CLIC5: variants seen among roughly 807,000 people sequenced by gnomAD.
CLIC5 encodes chloride intracellular channel protein 5.
CLIC5 carries 20 observed loss-of-function variants against 24.7 expected under a neutral mutation model. The observed-to-expected ratio is 0.81, with a 90% confidence interval of 0.57 to 1.18. CLIC5 has a LOEUF of 1.18. CLIC5 is among the 50% of genes most tolerant of loss of function. The pLI, the probability that CLIC5 is intolerant of heterozygous loss-of-function variation, is 0.00. For missense variants in CLIC5, 341 were observed against 326.1 expected (o/e 1.05, Z -0.35); for synonymous variants, 159 against 135.6 (o/e 1.17, Z -1.20).
chr6:45,890,673 C>T (rs898930142), intron 6 of CLIC5, among the ~76,000 whole-genome samples: 2 of 152,056 alleles, frequency 1.3e-5, no homozygotes, highest in South Asian at 2.1e-4. Flanking sequence ...TGACCCGAAT[C>T]GACAAACGAA....
chr6:45,958,437 T>TATATATATACACACACACACACAC (rs1284230686), intron 1 of CLIC5, among the ~76,000 whole-genome samples: 16 of 7,762 alleles, frequency 2.1e-3, no homozygotes, highest in Non-Finnish European at 5.4e-3. Flanking sequence ...TATATATATA[T>TATATATATACACACACACACACAC]ATATATATAT....
intron 1 of CLIC5, among the ~76,000 whole-genome samples, chr6:46,052,727 T>C (rs1226391927): frequency 1.3e-5 from 2 of 151,944 alleles, no homozygotes; most frequent in East Asian, 1.9e-4. Flanking sequence ...CTCTGTGCAG[T>C]GCACTGGGAG....
chr6:46,069,219 A>AG (rs1435953219), intron 1 of CLIC5, among the ~76,000 whole-genome samples: 1 of 152,078 alleles, frequency 6.6e-6, no homozygotes, highest in African/African-American at 2.4e-5. Flanking sequence ...ATCATGAAAA[A>AG]CTTTTATGCA....
chr6:45,973,135 T>C (rs956975638), intron 1 of CLIC5, among the ~76,000 whole-genome samples: 1 of 152,186 alleles, frequency 6.6e-6, no homozygotes, highest in Non-Finnish European at 1.5e-5. Context: ...CTAGAGTCAC[T>C]GAGCATGTTC....
chr6:45,929,147 T>C (rs1411531648), intron 4 of CLIC5, among the ~76,000 whole-genome samples: 4 of 149,598 alleles, frequency 2.7e-5, no homozygotes, highest in Non-Finnish European at 5.9e-5. Context: ...GCCTGCCCCA[T>C]TCAACAGGCC....
intron 4 of CLIC5, among the ~76,000 whole-genome samples, chr6:45,916,100 G>C (rs936923556): frequency 1.3e-5 from 2 of 152,120 alleles, no homozygotes; most frequent in African/African-American, 4.8e-5. Context: ...TTCATAGAAG[G>C]CCTTTTGTTT....
chr6:45,970,174 G>A (rs2127402942), intron 1 of CLIC5, among the ~76,000 whole-genome samples: 1 of 152,264 alleles, frequency 6.6e-6, no homozygotes, highest in East Asian at 1.9e-4. Context: ...CCAGCCAAGT[G>A]CCCCTGTCAT....
intron 1 of CLIC5, among the ~76,000 whole-genome samples, chr6:46,009,239 A>T (rs1472770632): frequency 1.3e-5 from 2 of 151,838 alleles, no homozygotes; most frequent in African/African-American, 4.8e-5. Context: ...TAACAACTCC[A>T]TTTCTTTTTA....
chr6:45,942,387 G>C (rs1161541065), intron 3 of CLIC5, among the ~76,000 whole-genome samples: 1 of 152,188 alleles, frequency 6.6e-6, no homozygotes, highest in African/African-American at 2.4e-5. Flanking sequence ...GATTGGCCTT[G>C]AGACTGAAGG....
intron 4 of CLIC5, chr6:45,914,641 T>C: frequency 1.3e-6 from 1 of 763,234 alleles, no homozygotes; most frequent in Non-Finnish European, 1.7e-6. Flanking sequence ...ATCTTTTGCT[T>C]TGAAAAAAAT....
chr6:45,930,602 C>A (rs550310177), intron 4 of CLIC5, among the ~76,000 whole-genome samples: 1 of 152,316 alleles, frequency 6.6e-6, no homozygotes, highest in Non-Finnish European at 1.5e-5. Context: ...GGCGACGATT[C>A]CTCTGCCTGC....
At chr6:45,911,349 C>G (rs921566529) in intron 5 of CLIC5, among the ~76,000 whole-genome samples, 1 of 152,176 alleles carries the variant, frequency 6.6e-6, no homozygotes, top group African/African-American at 2.4e-5. Context: ...GTGATGAAGT[C>G]CGAGTCCTTT....
At chr6:45,912,010 G>A (rs1762838528) in intron 5 of CLIC5, 4 of 985,586 alleles carry the variant, frequency 4.1e-6, no homozygotes, top group Non-Finnish European at 4.8e-6. Context: ...AGCCACGCAA[G>A]AGGAGAGTGA....
At chr6:45,973,039 T>C (rs563702134) in intron 1 of CLIC5, among the ~76,000 whole-genome samples, 10 of 152,296 alleles carry the variant, frequency 6.6e-5, no homozygotes, top group African/African-American at 2.2e-4. Context: ...GTGCTGAAAG[T>C]GGACACTGAA....
intron 6 of CLIC5, among the ~76,000 whole-genome samples, chr6:45,891,494 G>C (rs1385819345): frequency 6.6e-6 from 1 of 151,948 alleles, no homozygotes; most frequent in Non-Finnish European, 1.5e-5. Context: ...AAATTAGCCG[G>C]GCATGGTGGC....
chr6:46,074,926 C>A (rs1291021114), intron 1 of CLIC5, among the ~76,000 whole-genome samples: 1 of 152,190 alleles, frequency 6.6e-6, no homozygotes, highest in Non-Finnish European at 1.5e-5. Context: ...CTGACCACTG[C>A]TCTTTCCACA....
chr6:46,092,462 C>T, the CLIC5 span, among the ~76,000 whole-genome samples: 3 of 149,764 alleles, frequency 2.0e-5, no homozygotes, highest in Non-Finnish European at 4.4e-5. Context: ...ACAGACTAAC[C>T]TAAAATGTGT....
chr6:45,956,261 T>G (rs2127387862), intron 1 of CLIC5, among the ~76,000 whole-genome samples: 1 of 152,232 alleles, frequency 6.6e-6, no homozygotes. Context: ...TTCCATAGGG[T>G]GGTTTATTGG....
chr6:46,083,674 C>T (rs1377696527), upstream of CLIC5, among the ~76,000 whole-genome samples: 4 of 151,648 alleles, frequency 2.6e-5, no homozygotes, highest in African/African-American at 4.8e-5. Flanking sequence ...TTACTTTTGC[C>T]GAGGAGAGCT....
Sources: gnomAD v4.1 joint callset for allele counts (sites outside exome capture counted in the v4.1 genomes callset) on GRCh38, gnomAD v4.1.1 for gene constraint, MANE v1.5 for transcripts, NCBI Gene and HGNC (gene_info 2026-07-23, HGNC 2026-07-21) for gene names.